PRKACB: variants seen among roughly 807,000 people sequenced by gnomAD.
The protein encoded by PRKACB is protein kinase cAMP-activated catalytic subunit beta.
PRKACB carries 16 observed loss-of-function variants against 51.4 expected under a neutral mutation model. The observed-to-expected ratio is 0.31, with a 90% CI of 0.21 to 0.47. The LOEUF (loss-of-function observed/expected upper bound fraction) is 0.47, where lower values mean the gene tolerates loss of function less well. PRKACB is among the 20% of genes least tolerant of loss of function. The probability of loss-of-function intolerance (pLI) is 1.00; values close to 1 mark genes in which losing one functional copy is unlikely to be tolerated. For synonymous variants in PRKACB, 147 were observed against 154.4 expected, an observed-to-expected ratio of 0.95 and a Z score of 0.35; for missense variants, 309 against 464.5, an observed-to-expected ratio of 0.67 and a Z score of 3.08.
At chr1:84,181,708 G>C (rs1421375194) in intron 2 of PRKACB, 1 of 1,522,718 alleles carries the variant, frequency 6.6e-7, no homozygotes, top group Non-Finnish European at 8.8e-7. Flanking sequence ...CAGAAATGAA[G>C]CAAGACTGAT....
At chr1:84,143,696 G>A (rs184033378), upstream of PRKACB, among the ~76,000 whole-genome samples, 3 of 152,248 alleles carry the variant, frequency 2.0e-5, no homozygotes, top group Non-Finnish European at 4.4e-5. Flanking sequence ...CAGATTATAA[G>A]TTTGATAAGC....
At chr1:84,229,264 T>C (rs1301929310) in intron 9 of PRKACB, among the ~76,000 whole-genome samples, 1 of 111,814 alleles carries the variant, frequency 8.9e-6, no homozygotes, top group Non-Finnish European at 1.8e-5. Context: ...CATGAACTCA[T>C]CATTTTTTAT....
intron 1 of PRKACB, among the ~76,000 whole-genome samples, chr1:84,174,036 G>A (rs916006220): frequency 4.0e-5 from 6 of 151,504 alleles, no homozygotes; most frequent in East Asian, 2.0e-4. Context: ...TCTGGTTCCC[G>A]GAAGAAATAG....
chr1:84,137,599 C>T (rs957900423), intron 1 of PRKACB, among the ~76,000 whole-genome samples: 1 of 152,126 alleles, frequency 6.6e-6, no homozygotes, highest in African/African-American at 2.4e-5. Flanking sequence ...ATGAAACAAC[C>T]TACTGAAGCA....
intron 5 of PRKACB, among the ~76,000 whole-genome samples, chr1:84,188,769 G>A (rs1248754449): frequency 6.6e-6 from 1 of 151,812 alleles, no homozygotes; most frequent in African/African-American, 2.4e-5. Flanking sequence ...CAAGGGCCCA[G>A]CTGGAAAATC....
chr1:84,101,492 G>A (rs1349276324), intron 1 of PRKACB, among the ~76,000 whole-genome samples: 1 of 152,026 alleles, frequency 6.6e-6, no homozygotes, highest in Non-Finnish European at 1.5e-5. Flanking sequence ...AGGTTTGGGG[G>A]TTGGTGGTTC....
intron 1 of PRKACB, among the ~76,000 whole-genome samples, chr1:84,117,080 A>AT (rs1482816907): frequency 1.3e-5 from 2 of 150,022 alleles, no homozygotes; most frequent in African/African-American, 2.5e-5. Context: ...GATAATAATG[A>AT]TTTTTTCTGT....
At chr1:84,117,664 T>C (rs897023705) in intron 1 of PRKACB, among the ~76,000 whole-genome samples, 18 of 152,214 alleles carry the variant, frequency 1.2e-4, no homozygotes, top group African/African-American at 3.9e-4. Context: ...TTTTCATTTC[T>C]GATTTTATTT....
At chr1:84,216,330 C>A (rs1423603991) in intron 9 of PRKACB, among the ~76,000 whole-genome samples, 1 of 151,926 alleles carries the variant, frequency 6.6e-6, no homozygotes, top group Non-Finnish European at 1.5e-5. Context: ...CAGAACAAGA[C>A]CCCGTCTCAA....
At chr1:84,127,808 GTT>G (rs981736701) in intron 1 of PRKACB, among the ~76,000 whole-genome samples, 19 of 151,674 alleles carry the variant, frequency 1.3e-4, no homozygotes, top group African/African-American at 4.6e-4. Flanking sequence ...TATATTTTAT[GTT>G]TTGAAGAAAA....
intron 1 of PRKACB, among the ~76,000 whole-genome samples, chr1:84,144,958 T>A (rs1158862565): frequency 6.6e-6 from 1 of 152,154 alleles, no homozygotes; most frequent in Non-Finnish European, 1.5e-5. Flanking sequence ...TAATTACATT[T>A]CTATTGTGTT....
rs573162601 is a variant in PRKACB at position 84,115,987 on chromosome 1, G to T, written c.46+37616G>T. Among the ~76,000 whole-genome samples the T allele has an allele frequency of 4.0e-5, 6 of 149,236 alleles. No homozygotes were observed. The East Asian group carries it at 1.2e-3, about 30-fold the overall frequency. Reference sequence around the variant, plus strand: ...TTCTTCTAGTATTTTTATAATTTGTGGTCTTACATAGTCTGTAATCCATTT... The same window carrying T: ...TTCTTCTAGTATTTTTATAATTTGTTGTCTTACATAGTCTGTAATCCATTT... On this transcript the variant is annotated intron_variant, in intron 1 of 8. Coordinates refer to the PRKACB transcript ENST00000370688.
intron 9 of PRKACB, among the ~76,000 whole-genome samples, chr1:84,215,970 GA>G (rs538888190): frequency 2.0e-5 from 3 of 150,582 alleles, no homozygotes; most frequent in Admixed American, 1.3e-4. Flanking sequence ...TTTCCTTAAG[GA>G]AAAAAAAATT....
chr1:84,127,134 T>G (rs1042362419), intron 1 of PRKACB, among the ~76,000 whole-genome samples: 2 of 152,230 alleles, frequency 1.3e-5, no homozygotes, highest in East Asian at 3.9e-4. Flanking sequence ...ACTTCAGGTC[T>G]TGACAGCTGT....
intron 5 of PRKACB, among the ~76,000 whole-genome samples, chr1:84,192,022 A>G (rs1425425157): frequency 6.6e-6 from 1 of 152,156 alleles, no homozygotes; most frequent in Admixed American, 6.6e-5. Context: ...GCATAAAAGC[A>G]TCTAAACACC....
intron 9 of PRKACB, among the ~76,000 whole-genome samples, chr1:84,226,525 G>A (rs1049035322): frequency 9.2e-5 from 14 of 152,012 alleles, no homozygotes; most frequent in East Asian, 3.9e-4. Flanking sequence ...TTGCTTTCCC[G>A]TTATAGTAGG....
chr1:84,078,098 T>TCGCCGCCGCCGCCGC (rs555766497), upstream of PRKACB: 4 of 419,588 alleles, frequency 9.5e-6, no homozygotes, highest in Admixed American at 4.5e-5. Context: ...GCCACCGCCG[T>TCGCCGCCGCCGCCGC]CGCCGCCGCC....
chr1:84,228,095 G>A lies in PRKACB; in HGVS notation c.1072-7085G>A, dbSNP rs145544003. Among the ~76,000 whole-genome samples, 507 of 152,282 alleles carry A rather than the reference G, an allele frequency of 3.3e-3. 4 individuals are homozygous for A. The highest frequency in any genetic ancestry group is 0.011 in the African/African-American group (475 of 41,546). ...AAAACAGCAGTCCCCAAAGCAGGGC[G>A]TGCAAGGCAACCAGCTCTCAAACAA... On this transcript the variant is annotated intron_variant, in intron 9 of 9. Transcript: ENST00000370685.
At chr1:84,223,488 C>A (rs2101639307) in intron 9 of PRKACB, among the ~76,000 whole-genome samples, 1 of 151,940 alleles carries the variant, frequency 6.6e-6, no homozygotes, top group African/African-American at 2.4e-5. Flanking sequence ...CCTGCCTCAG[C>A]CTCCTGAGTA....
Sources: gnomAD v4.1 joint callset for allele counts (sites outside exome capture counted in the v4.1 genomes callset) on GRCh38, gnomAD v4.1.1 for gene constraint, MANE v1.5 for transcripts, NCBI Gene and HGNC (gene_info 2026-07-23, HGNC 2026-07-21) for gene names.